GSE1: variants seen among roughly 807,000 people sequenced by gnomAD.
GSE1 encodes Gse1 coiled-coil protein, also known as genetic suppressor element 1.
Under a neutral mutation model 112.6 loss-of-function variants are expected in GSE1, and 32 were observed. The ratio of observed to expected loss-of-function variants is 0.28; its 90% CI spans 0.21 to 0.38. The LOEUF (loss-of-function observed/expected upper bound fraction) is 0.38. Ranked by LOEUF, GSE1 falls within the 10% of genes least tolerant of loss-of-function variation. The pLI is 1.00. For synonymous variants in GSE1, 1,115 were observed against 735.6 expected (o/e 1.52, Z -8.35); for missense variants, 2,348 against 1,699.2 (o/e 1.38, Z -6.71).
At position 85,419,133 on chromosome 16, in the gene GSE1, GGAGT is replaced by G. The variant is rs2048768544; in HGVS notation, c.2464+61497_2464+61500del. On this transcript the variant is annotated intron_variant, in intron 2 of 2. Transcript: ENST00000637419. This position sits in a 1 kb window ranked among gnomAD's most constrained non-coding sequence, Gnocchi z 6.5. ...GCTGGGAGACTGGGGAGACACCTTGGGAGTGAGTGACGTGATGGGAGCCCAGGCA... is the reference window on the plus strand; with the variant it reads ...GCTGGGAGACTGGGGAGACACCTTGGGAGTGACGTGATGGGAGCCCAGGCA... Among the ~76,000 whole-genome samples the G allele has an allele frequency of 6.6e-6, 1 of 152,158 alleles. No homozygotes were observed. Among genetic ancestry groups the G allele is most frequent in the South Asian group, 2.1e-4 (1 of 4,826 alleles).
Position 85,663,461 on chromosome 16 carries a change from A to G in GSE1, c.2491A>G (p.Thr831Ala), listed in dbSNP as rs749082769. ...GCGAGAGAGAAGCCCGTCGCCCCCA[A>G]CAATTCAGAGCAAGCGGCAGACGCC... ...MLRERSPSPP[T>A]IQSKRQTPSP... The change falls in exon 11 of 16, where the codon ACA becomes GCA. Residue 831 changes from threonine to alanine, a missense_variant. Coordinates refer to ENST00000253458, the MANE Select transcript of GSE1 (RefSeq NM_014615.5). 1.7e-5 allele frequency: 28 copies of G among 1,613,834 alleles called. No individual in the cohort carries two copies. The highest frequency in any genetic ancestry group is 1.2e-4 in the Admixed American group (7 of 60,000).
chr16:85,231,139 TGGATGGATGGAAGGATGGATAGAA>T, intron 1 of GSE1, among the ~76,000 whole-genome samples: 1 of 140,298 alleles, frequency 7.1e-6, no homozygotes, highest in Non-Finnish European at 1.6e-5. Context: ...GAAGGATGGA[TGGATGGATGGAAGGATGGATAGAA>T]GGACAGATGG....
chr16:85,324,283 G>A (rs1296584955), intron 1 of GSE1, among the ~76,000 whole-genome samples: 1 of 152,212 alleles, frequency 6.6e-6, no homozygotes, highest in Non-Finnish European at 1.5e-5. Flanking sequence ...ACTGAGGCAG[G>A]TGGATCACCT....
In GSE1 at chr16:85,648,613, C is replaced by T. The variant is rs201812312; in HGVS notation, c.288C>T (p.Pro96=). ...VSSPATNHSS[P]ASTPKRVPMG... ...CTCCGGCCACCAACCACAGCTCCCC[C>T]GCCAGCACACCCAAGCGCGTGCCCA... Residue 96 remains proline (P), a synonymous_variant, in exon 3 of 16, where the codon CCC becomes CCT. Coordinates refer to ENST00000253458, the MANE Select transcript of GSE1 (RefSeq NM_014615.5). 1.2e-4 allele frequency: 199 copies of T among 1,606,576 alleles called. No homozygotes were observed. The highest frequency in any genetic ancestry group is 1.5e-4 in the Non-Finnish European group (182 of 1,176,294).
At chr16:85,657,791 A>C (rs1250124351) in intron 8 of GSE1, among the ~76,000 whole-genome samples, 187 bp downstream of exon 8, 4 of 152,220 alleles carry the variant, frequency 2.6e-5, no homozygotes, top group Non-Finnish European at 1.5e-5. Flanking sequence ...CTGAGGAAGA[A>C]AATGGATTGC....
chr16:85,460,763 C>T (rs1033559743), intron 2 of GSE1, among the ~76,000 whole-genome samples: 6 of 146,826 alleles, frequency 4.1e-5, no homozygotes, highest in African/African-American at 5.1e-5. Context: ...AGGTTGTTTA[C>T]AGGCCAAAGA....
At chr16:85,208,282 C>G (rs1261278133) in intron 1 of GSE1, among the ~76,000 whole-genome samples, 1 of 152,194 alleles carries the variant, frequency 6.6e-6, no homozygotes, top group Non-Finnish European at 1.5e-5. Flanking sequence ...GGGATGCACT[C>G]CGCCACGTCG....
intron 1 of GSE1, among the ~76,000 whole-genome samples, chr16:85,625,801 C>T (rs569142285): frequency 3.3e-5 from 5 of 152,214 alleles, no homozygotes; most frequent in African/African-American, 7.2e-5. Flanking sequence ...TGGCTCATTG[C>T]GGGTGGCTCT....
upstream of GSE1, among the ~76,000 whole-genome samples, chr16:85,608,844 G>A (rs1402882056): frequency 1.3e-5 from 2 of 152,306 alleles, no homozygotes; most frequent in African/African-American, 2.4e-5. Context: ...ACTTATTGGC[G>A]GATCCAGGCG....
chr16:85,659,616 G>C (rs1402460042), intron 8 of GSE1: 2 of 152,206 alleles, frequency 1.3e-5, no homozygotes, highest in South Asian at 2.1e-4. Flanking sequence ...TCAGTAGTGG[G>C]ATTGCTCCTG....
At chr16:85,630,702 C>G (rs918095090) in intron 1 of GSE1, among the ~76,000 whole-genome samples, 1 of 152,304 alleles carries the variant, frequency 6.6e-6, no homozygotes, top group African/African-American at 2.4e-5. Flanking sequence ...TGATCGGGTG[C>G]CATGGTTGGG....
chr16:85,471,927 TC>T (rs992552661), intron 2 of GSE1, among the ~76,000 whole-genome samples: 31 of 152,334 alleles, frequency 2.0e-4, no homozygotes, highest in Middle Eastern at 3.4e-3. Flanking sequence ...TGGTGGCCCC[TC>T]ATGGGGGAAA....
At chr16:85,640,953 C>A (rs773848316) in intron 2 of GSE1, among the ~76,000 whole-genome samples, 1 of 152,204 alleles carries the variant, frequency 6.6e-6, no homozygotes. Flanking sequence ...GGGAGCAAGG[C>A]CCACGGAGAG....
At chr16:85,188,620 AG>A (rs1247549252) in intron 1 of GSE1, among the ~76,000 whole-genome samples, 16 of 151,890 alleles carry the variant, frequency 1.1e-4, no homozygotes, top group South Asian at 2.1e-4. Flanking sequence ...TGGGCAACAT[AG>A]CAAGACGCCA....
chr16:85,490,485 C>T (rs1218217810), intron 2 of GSE1: 3 of 152,280 alleles, frequency 2.0e-5, no homozygotes, highest in Non-Finnish European at 2.9e-5. Context: ...CCCAGGGCAT[C>T]GTAGCCAGAA....
chr16:85,571,059 A>G (rs2045961129), intron 1 of GSE1, among the ~76,000 whole-genome samples: 2 of 152,214 alleles, frequency 1.3e-5, no homozygotes, highest in East Asian at 1.9e-4. Flanking sequence ...TTATCTCAGC[A>G]TGCCACAAAC....
chr16:85,442,841 G>A (rs1408007285), intron 2 of GSE1, among the ~76,000 whole-genome samples: 7 of 152,210 alleles, frequency 4.6e-5, no homozygotes, highest in Admixed American at 6.5e-5. Context: ...CCGGAAGTCC[G>A]ACATCAAGGT....
chr16:85,180,484 CG>C (rs1485686293), intron 1 of GSE1, among the ~76,000 whole-genome samples: 1 of 152,236 alleles, frequency 6.6e-6, no homozygotes, highest in Admixed American at 6.5e-5. Context: ...TGCAAGGGGA[CG>C]CCAGTGTCAG....
At chr16:85,185,748 C>G (rs893629230) in intron 1 of GSE1, among the ~76,000 whole-genome samples, 2 of 152,274 alleles carry the variant, frequency 1.3e-5, no homozygotes, top group Non-Finnish European at 2.9e-5. Context: ...GTGCTTCGCC[C>G]TCGCCAGGCT....
Sources: gnomAD v4.1 joint callset for allele counts (sites outside exome capture counted in the v4.1 genomes callset) on GRCh38, gnomAD v4.1.1 for gene constraint, Gnocchi (gnomAD v3.1) non-coding constraint, MANE v1.5 for transcripts, NCBI Gene and HGNC (gene_info 2026-07-23, HGNC 2026-07-21) for gene names.